LINGO2: variants seen among roughly 807,000 people sequenced by gnomAD.
LINGO2 encodes leucine rich repeat and Ig domain containing 2.
A neutral mutation model predicts 30.6 loss-of-function variants in LINGO2; 14 were observed. That is an observed-to-expected ratio of 0.46 (90% CI 0.30 to 0.72). The LOEUF (loss-of-function observed/expected upper bound fraction) is 0.72. Ranked by LOEUF, LINGO2 falls within the 30% of genes least tolerant of loss-of-function variation. LINGO2 has a pLI of 0.07. For missense variants in LINGO2, 729 were observed against 751.7 expected (o/e 0.97, Z 0.35); for synonymous variants, 317 against 288.5 (o/e 1.10, Z -1.00).
the LINGO2 span, among the ~76,000 whole-genome samples, chr9:28,865,684 T>A: frequency 1.3e-5 from 2 of 152,072 alleles, no homozygotes; most frequent in South Asian, 4.1e-4. Flanking sequence ...CTCGGGAGGA[T>A]GAGACAGGAG....
intron 3 of LINGO2, among the ~76,000 whole-genome samples, chr9:28,325,855 G>C (rs1438587255): frequency 6.6e-6 from 1 of 151,964 alleles, no homozygotes; most frequent in African/African-American, 2.4e-5. Context: ...TATCCTATTA[G>C]CTCACACCAG....
At chr9:28,395,384 T>C (rs952877902) in intron 2 of LINGO2, among the ~76,000 whole-genome samples, 1 of 152,228 alleles carries the variant, frequency 6.6e-6, no homozygotes, top group African/African-American at 2.4e-5. Context: ...ACTGGCATGC[T>C]CTCTTTCAAT....
chr9:28,351,837 T>C (rs1819908039), intron 3 of LINGO2, among the ~76,000 whole-genome samples: 1 of 150,480 alleles, frequency 6.6e-6, no homozygotes, highest in African/African-American at 2.4e-5. Flanking sequence ...GATGCAAGGC[T>C]GGTTCAATAT....
the LINGO2 span, among the ~76,000 whole-genome samples, chr9:28,756,597 A>C: frequency 2.0e-5 from 3 of 152,090 alleles, no homozygotes; most frequent in South Asian, 6.2e-4. Flanking sequence ...TGCAAATTGT[A>C]ATCCCCATGA....
intron 4 of LINGO2, among the ~76,000 whole-genome samples, chr9:28,261,055 C>A (rs1376940008): frequency 6.6e-6 from 1 of 151,830 alleles, no homozygotes; most frequent in Non-Finnish European, 1.5e-5. Flanking sequence ...CTGACTATTC[C>A]TTAATTGCCA....
At chr9:29,198,718 T>C in the LINGO2 span, among the ~76,000 whole-genome samples, 1 of 152,114 alleles carries the variant, frequency 6.6e-6, no homozygotes, top group Admixed American at 6.6e-5. Flanking sequence ...CAAGATTCTG[T>C]AAATGTTTCC....
chr9:28,672,279 C>A (rs796722547), upstream of LINGO2, among the ~76,000 whole-genome samples: 2 of 152,272 alleles, frequency 1.3e-5, no homozygotes, highest in African/African-American at 4.8e-5. Flanking sequence ...TATGTTGCAG[C>A]ATCATTGCTT....
At chr9:29,002,379 A>C in the LINGO2 span, among the ~76,000 whole-genome samples, 1 of 152,086 alleles carries the variant, frequency 6.6e-6, no homozygotes. Flanking sequence ...TTGACATATG[A>C]ATAGCACATA....
At chr9:28,874,697 C>T in the LINGO2 span, among the ~76,000 whole-genome samples, 1 of 152,040 alleles carries the variant, frequency 6.6e-6, no homozygotes, top group African/African-American at 2.4e-5. Context: ...CACCTTCCAG[C>T]TCTGAAGACT....
chr9:28,118,083 G>C (rs1826986063), intron 4 of LINGO2, among the ~76,000 whole-genome samples: 1 of 152,066 alleles, frequency 6.6e-6, no homozygotes, highest in Non-Finnish European at 1.5e-5. Context: ...GCCTGTTGGG[G>C]GGTGGAGTAG....
intron 4 of LINGO2, among the ~76,000 whole-genome samples, chr9:28,187,691 C>A (rs999056592): frequency 1.3e-5 from 2 of 152,086 alleles, no homozygotes; most frequent in Admixed American, 6.6e-5. Context: ...GGGGGGCAGA[C>A]ATAAACATTT....
At chr9:28,670,695 T>G (rs1828976612), upstream of LINGO2, among the ~76,000 whole-genome samples, 1 of 152,148 alleles carries the variant, frequency 6.6e-6, no homozygotes. Context: ...TTTAACCAAA[T>G]TTTAGCAAAT....
At chr9:28,438,383 C>G (rs1024377505) in intron 2 of LINGO2, among the ~76,000 whole-genome samples, 1 of 152,052 alleles carries the variant, frequency 6.6e-6, no homozygotes, top group African/African-American at 2.4e-5. Context: ...ATTTTCCTTC[C>G]GTCTTCTTGA....
chr9:28,304,339 C>T (rs1049791026), intron 3 of LINGO2, among the ~76,000 whole-genome samples: 9 of 150,826 alleles, frequency 6.0e-5, no homozygotes, highest in Non-Finnish European at 1.2e-4. Context: ...TGTATAATTA[C>T]ATTATATACA....
chr9:28,350,330 AG>A (rs1475817285), intron 3 of LINGO2, among the ~76,000 whole-genome samples: 1 of 142,944 alleles, frequency 7.0e-6, no homozygotes, highest in Non-Finnish European at 1.5e-5. Flanking sequence ...GGAAAACAAA[AG>A]AAGGCAGGGG....
chr9:29,057,393 T>C, the LINGO2 span, among the ~76,000 whole-genome samples: 3 of 152,138 alleles, frequency 2.0e-5, no homozygotes, highest in South Asian at 4.1e-4. Context: ...AATAAAAAAA[T>C]AGGCAATCAT....
intron 1 of LINGO2, among the ~76,000 whole-genome samples, chr9:28,517,573 T>C (rs1820670716): frequency 6.6e-6 from 1 of 152,206 alleles, no homozygotes; most frequent in African/African-American, 2.4e-5. Flanking sequence ...TAAAAACTGG[T>C]AAATTGCATT....
At chr9:28,511,160 T>G (rs1170938474) in intron 1 of LINGO2, among the ~76,000 whole-genome samples, 1 of 152,134 alleles carries the variant, frequency 6.6e-6, no homozygotes, top group Non-Finnish European at 1.5e-5. Flanking sequence ...AGTTGATGCT[T>G]AGTATTAACC....
chr9:28,572,761 T>C (rs1023128693), intron 1 of LINGO2, among the ~76,000 whole-genome samples: 10 of 152,136 alleles, frequency 6.6e-5, no homozygotes, highest in African/African-American at 2.4e-4. Context: ...CCGCGTATAT[T>C]AGACTCATAT....
Sources: gnomAD v4.1 joint callset for allele counts (sites outside exome capture counted in the v4.1 genomes callset) on GRCh38, gnomAD v4.1.1 for gene constraint, MANE v1.5 for transcripts, NCBI Gene and HGNC (gene_info 2026-07-23, HGNC 2026-07-21) for gene names.